PTPRD: variants seen among roughly 807,000 people sequenced by gnomAD.
PTPRD encodes the protein protein tyrosine phosphatase receptor type D.
A neutral mutation model predicts 214.5 loss-of-function variants in PTPRD; 34 were observed. The ratio of observed to expected loss-of-function variants is 0.16; its 90% CI spans 0.12 to 0.21. The LOEUF (loss-of-function observed/expected upper bound fraction) is 0.21. Among genes scored for constraint, PTPRD ranks in the 10% least tolerant of loss-of-function variants. The probability of loss-of-function intolerance (pLI) is 1.00; values close to 1 mark genes in which losing one functional copy is unlikely to be tolerated. For missense variants in PTPRD, 2,545 were observed against 2,398.7 expected (o/e 1.06, Z -1.27); for synonymous variants, 1,128 against 845.7 (o/e 1.33, Z -5.79).
chr9:9,510,297 T>C (rs970260796), intron 8 of PTPRD, among the ~76,000 whole-genome samples: 3 of 151,702 alleles, frequency 2.0e-5, no homozygotes, highest in Non-Finnish European at 3.0e-5. Context: ...TTTTTTTAAC[T>C]GCATTCTGTA....
rs140810314 is a variant in PTPRD at position 10,411,738 on chromosome 9, T to C, written c.-599-70721A>G. On this transcript the variant is annotated intron_variant, in intron 2 of 45. Transcript: ENST00000381196. ...TTTAATATACCCTATATTAGTTTAATAGGACTTTATATAATCATTAGTAAT... is the reference window on the plus strand; with the variant it reads ...TTTAATATACCCTATATTAGTTTAACAGGACTTTATATAATCATTAGTAAT... 3.1e-3 allele frequency among the ~76,000 whole-genome samples: 464 copies of C among 151,894 alleles called. 6 individuals carry two copies. Among genetic ancestry groups the C allele is most frequent in the African/African-American group, 0.011 (441 of 41,510 alleles).
rs549549259 is a variant in PTPRD at position 8,582,933 on chromosome 9, T to C, written c.352+50384A>G. Reference sequence around the variant, plus strand: ...TATCTTAGGTAAATAAAGAGGTATGTATGAGTTGGAGCACTGCTTGAAATT... The same window carrying C: ...TATCTTAGGTAAATAAAGAGGTATGCATGAGTTGGAGCACTGCTTGAAATT... On this transcript the variant is annotated intron_variant, in intron 14 of 45. Coordinates refer to ENST00000381196, the MANE Select transcript of PTPRD (RefSeq NM_002839.4). Among the ~76,000 whole-genome samples the C allele has an allele frequency of 2.9e-3, 448 of 152,306 alleles. 2 individuals carry two copies. The highest frequency in any genetic ancestry group is 0.01 in the African/African-American group (423 of 41,560).
chr9:8,989,276 C>A (rs1318685526), intron 11 of PTPRD, among the ~76,000 whole-genome samples: 1 of 151,938 alleles, frequency 6.6e-6, no homozygotes, highest in Non-Finnish European at 1.5e-5. Context: ...TTAACTATAA[C>A]TTCCCTACTC....
chr9:10,328,347 T>C (rs1426817338), intron 3 of PTPRD, among the ~76,000 whole-genome samples: 1 of 151,788 alleles, frequency 6.6e-6, no homozygotes, highest in African/African-American at 2.4e-5. Context: ...AAAATGCATT[T>C]GCACAGGAGA....
intron 9 of PTPRD, among the ~76,000 whole-genome samples, chr9:9,372,290 G>C (rs1316039457): frequency 6.6e-6 from 1 of 152,030 alleles, no homozygotes; most frequent in African/African-American, 2.4e-5. Flanking sequence ...TATGTATCTG[G>C]GTGCTCCTGT....
intron 5 of PTPRD, among the ~76,000 whole-genome samples, chr9:9,849,078 CT>C (rs1294830822): frequency 1.3e-5 from 2 of 151,676 alleles, no homozygotes; most frequent in African/African-American, 4.8e-5. Flanking sequence ...CTGTTTTACC[CT>C]ATGTTTTTAA....
chr9:9,728,001 C>G (rs1198739066), intron 7 of PTPRD, among the ~76,000 whole-genome samples: 1 of 152,076 alleles, frequency 6.6e-6, no homozygotes, highest in Non-Finnish European at 1.5e-5. Flanking sequence ...CATGGGGAGG[C>G]AATTGAATCA....
chr9:9,858,286 A>G (rs1370154964), intron 5 of PTPRD, among the ~76,000 whole-genome samples: 7 of 152,184 alleles, frequency 4.6e-5, no homozygotes, highest in Admixed American at 4.6e-4. Flanking sequence ...GGCACCAAAT[A>G]TTTTTGCTTT....
chr9:9,168,909 T>C (rs932134679), intron 10 of PTPRD, among the ~76,000 whole-genome samples: 1 of 151,684 alleles, frequency 6.6e-6, no homozygotes, highest in Non-Finnish European at 1.5e-5. Context: ...TTTTTTGTAG[T>C]GAAGTAGAAT....
intron 35 of PTPRD, among the ~76,000 whole-genome samples, chr9:8,433,371 T>G (rs938020399): frequency 1.3e-5 from 2 of 152,214 alleles, no homozygotes; most frequent in Admixed American, 6.5e-5. Context: ...CAGTATACAT[T>G]TTATTGTTAT....
intron 2 of PTPRD, among the ~76,000 whole-genome samples, chr9:10,367,283 G>A (rs370659741): frequency 1.7e-4 from 26 of 152,206 alleles, no homozygotes; most frequent in Non-Finnish European, 3.4e-4. Context: ...TACCTAAAGG[G>A]TAACGAAGAA....
intron 2 of PTPRD, among the ~76,000 whole-genome samples, chr9:10,517,960 C>G (rs561948950): frequency 2.6e-5 from 4 of 152,180 alleles, no homozygotes; most frequent in African/African-American, 9.6e-5. Flanking sequence ...GAGTTTGGAA[C>G]TTATTGAATA....
At position 9,874,221 on chromosome 9, in the gene PTPRD, G is replaced by A. The variant is rs533559097; in HGVS notation, c.-368+64286C>T. Among the ~76,000 whole-genome samples the A allele has an allele frequency of 7.6e-4, 116 of 152,244 alleles. 1 individual carries two copies. The highest frequency in any genetic ancestry group is 6.8e-3 in the Middle Eastern group (2 of 294). ...GGGCTGTGGAGTGAGACAGGAGGCCGAAGACGAGAGAGAGGGCTATGTATA... is the reference window on the plus strand; with the variant it reads ...GGGCTGTGGAGTGAGACAGGAGGCCAAAGACGAGAGAGAGGGCTATGTATA... On this transcript the variant is annotated intron_variant, in intron 5 of 45. Transcript: ENST00000381196.
chr9:10,377,968 T>C (rs1489921628), intron 2 of PTPRD, among the ~76,000 whole-genome samples: 1 of 152,074 alleles, frequency 6.6e-6, no homozygotes, highest in African/African-American at 2.4e-5. Context: ...ATTTTTAGTT[T>C]TTTGAGGACC....
chr9:8,386,983 G>A (rs954283988), intron 37 of PTPRD, among the ~76,000 whole-genome samples: 4 of 152,114 alleles, frequency 2.6e-5, no homozygotes, highest in African/African-American at 9.7e-5. Flanking sequence ...TTGGGCCTTG[G>A]GGTCCAGGGC....
chr9:9,230,853 T>C (rs911676510), intron 9 of PTPRD, among the ~76,000 whole-genome samples: 1 of 152,176 alleles, frequency 6.6e-6, no homozygotes, highest in Non-Finnish European at 1.5e-5. Context: ...TTACTATCTT[T>C]TGTTGGATAA....
At chr9:8,854,575 C>A (rs547683669) in intron 11 of PTPRD, among the ~76,000 whole-genome samples, 2 of 152,090 alleles carry the variant, frequency 1.3e-5, no homozygotes, top group African/African-American at 4.8e-5. Flanking sequence ...TGAAAATCAA[C>A]GAAAGAACAG....
At chr9:8,433,448 A>T (rs1289635858) in intron 35 of PTPRD, among the ~76,000 whole-genome samples, 1 of 152,216 alleles carries the variant, frequency 6.6e-6, no homozygotes, top group Non-Finnish European at 1.5e-5. Flanking sequence ...GTCCTTCAAG[A>T]GTTATCCAGA....
In PTPRD at chr9:8,449,713, G is replaced by T. The variant is rs755969944; in HGVS notation, c.3988+12C>A. ...AAGACTGTGTGTGGATTAGATGTGT[G>T]ATGCTTCTTACCCGGTGTTTGAAAG... On this transcript the variant is annotated intron_variant, in intron 34 of 45. Transcript: ENST00000381196. The T allele has an allele frequency of 3.1e-6, 5 of 1,610,784 alleles. No homozygotes were observed. In the South Asian group the frequency reaches 4.4e-5, roughly 14 times the overall value.
Sources: allele counts gnomAD v4.1 joint callset (sites outside exome capture counted in the v4.1 genomes callset), GRCh38; gene constraint gnomAD v4.1.1; transcripts MANE v1.5; gene names NCBI Gene and HGNC (gene_info 2026-07-23, HGNC 2026-07-21).